ANXA3: variants seen among roughly 807,000 people sequenced by gnomAD.
ANXA3 encodes the protein annexin A3.
ANXA3 carries 46 observed loss-of-function variants against 48.8 expected under a neutral mutation model. The observed-to-expected ratio is 0.94, with a 90% CI of 0.74 to 1.21. ANXA3 has a LOEUF of 1.21. Ranked by LOEUF, ANXA3 falls within the 50% of genes most tolerant of loss-of-function variation. The pLI, the probability that ANXA3 is intolerant of heterozygous loss-of-function variation, is 0.00. For missense variants in ANXA3, 383 were observed against 378.6 expected, an observed-to-expected ratio of 1.01 and a Z score of -0.10; for synonymous variants, 128 against 134.7, an observed-to-expected ratio of 0.95 and a Z score of 0.35.
intron 6 of ANXA3, among the ~76,000 whole-genome samples, chr4:78,589,575 C>T (rs1344688660): frequency 6.6e-6 from 1 of 152,204 alleles, no homozygotes; most frequent in African/African-American, 2.4e-5. Context: ...CAGCAAGTAA[C>T]ATCCCCTCCC....
chr4:78,569,108 T>A (rs1722788607), intron 2 of ANXA3, among the ~76,000 whole-genome samples: 1 of 152,230 alleles, frequency 6.6e-6, no homozygotes, highest in Non-Finnish European at 1.5e-5. Flanking sequence ...AGAGCTCCTG[T>A]TACTTTCCCC....
At chr4:78,593,960 G>C (rs1488067209) in intron 7 of ANXA3, among the ~76,000 whole-genome samples, 3 of 151,920 alleles carry the variant, frequency 2.0e-5, no homozygotes, top group Non-Finnish European at 2.9e-5. Flanking sequence ...CTGTGATATA[G>C]TTCTATGGAT....
chr4:78,584,428 G>A (rs550166015), intron 5 of ANXA3, among the ~76,000 whole-genome samples: 6 of 151,920 alleles, frequency 3.9e-5, no homozygotes, highest in Non-Finnish European at 7.4e-5. Context: ...CTCCTGCCTC[G>A]GCCTCTCAAA....
At chr4:78,571,598 C>T (rs1016621116) in intron 2 of ANXA3, among the ~76,000 whole-genome samples, 1 of 152,052 alleles carries the variant, frequency 6.6e-6, no homozygotes, top group Non-Finnish European at 1.5e-5. Flanking sequence ...CATATTAATA[C>T]AAGACAACAG....
intron 3 of ANXA3, among the ~76,000 whole-genome samples, chr4:78,574,791 T>C (rs976112681): frequency 2.6e-5 from 4 of 152,258 alleles, no homozygotes; most frequent in African/African-American, 9.6e-5. Flanking sequence ...AATTCTTTTA[T>C]ATTGCAATAT....
At position 78,573,254 on chromosome 4, in the gene ANXA3, A is replaced by C; in HGVS notation, c.90A>C (p.Ala30=). 1 of 1,610,480 alleles carries C rather than the reference A, an allele frequency of 6.2e-7. No homozygotes were observed. Among genetic ancestry groups the C allele is most frequent in the African/African-American group, 1.3e-5 (1 of 74,930 alleles). ...PSVDAEAIQK[A]IRGIGTDEKM... ...TGGATGCTGAAGCTATTCAGAAAGC[A>C]ATCAGAGGAATTGGTGAGTGATATT... is the stretch of plus-strand genomic sequence containing the variant. The change falls in exon 3 of 13, where the codon GCA becomes GCC. Residue 30 remains alanine, a synonymous_variant. Transcript: ENST00000264908.
intron 2 of ANXA3, among the ~76,000 whole-genome samples, chr4:78,557,106 T>C (rs1164367536): frequency 6.6e-6 from 1 of 152,176 alleles, no homozygotes; most frequent in Non-Finnish European, 1.5e-5. Flanking sequence ...AGGTTGTTGG[T>C]AGAATTTAGT....
chr4:78,607,300 T>C (rs972365110), intron 12 of ANXA3, among the ~76,000 whole-genome samples: 7 of 152,190 alleles, frequency 4.6e-5, no homozygotes, highest in Admixed American at 1.3e-4. Flanking sequence ...AACAGGATCT[T>C]TTTAGATGGT....
intron 2 of ANXA3, among the ~76,000 whole-genome samples, chr4:78,555,765 C>T (rs905187131): frequency 3.3e-5 from 5 of 150,874 alleles, no homozygotes; most frequent in Admixed American, 6.6e-5. Flanking sequence ...GTGGTAAGAT[C>T]GCTTAAGCCC....
chr4:78,559,167 C>T (rs551110453), intron 2 of ANXA3, among the ~76,000 whole-genome samples: 11 of 152,190 alleles, frequency 7.2e-5, no homozygotes, highest in Middle Eastern at 3.4e-3. Flanking sequence ...GCAGCCTCAA[C>T]CTCCTGGGCT....
rs146494285 is a variant in ANXA3 at position 78,577,030 on chromosome 4, A to T, written c.104-1997A>T. On this transcript the variant is annotated intron_variant, in intron 3 of 12. Coordinates refer to ENST00000264908, the MANE Select transcript of ANXA3 (RefSeq NM_005139.3). ...GCAGGAGAGATCATAATGAGCTGAT[A>T]CATGAGCTAAGGGGCTTAAACTTCA... 1.5e-3 allele frequency among the ~76,000 whole-genome samples: 230 copies of T among 152,340 alleles called. 5 individuals are homozygous for T. In the East Asian group the frequency reaches 0.042, roughly 28 times the overall value.
chr4:78,609,051 C>T (rs7670036), intron 12 of ANXA3, among the ~76,000 whole-genome samples: 4,887 of 151,940 alleles, frequency 0.032, 242 homozygotes, highest in African/African-American at 0.11. Context: ...TATATAAAAA[C>T]GAAGAATATT....
intron 1 of ANXA3, among the ~76,000 whole-genome samples, chr4:78,552,742 C>T (rs1722425783): frequency 6.6e-6 from 1 of 152,162 alleles, no homozygotes; most frequent in South Asian, 2.1e-4. Context: ...CTATGTTCAC[C>T]AACATCATTT....
intron 7 of ANXA3, among the ~76,000 whole-genome samples, 161 bp downstream of exon 7, chr4:78,591,784 T>C (rs1213608519): frequency 6.6e-6 from 1 of 152,226 alleles, no homozygotes; most frequent in Non-Finnish European, 1.5e-5. Flanking sequence ...AGCAATATAA[T>C]GTTTAACCAA....
chr4:78,558,109 C>T (rs1434266342), intron 2 of ANXA3, among the ~76,000 whole-genome samples: 1 of 152,120 alleles, frequency 6.6e-6, no homozygotes, highest in Non-Finnish European at 1.5e-5. Context: ...AGCCTTGAGC[C>T]CAGTATGTTA....
At chr4:78,587,638 G>T (rs539707305) in intron 6 of ANXA3, among the ~76,000 whole-genome samples, 15 of 152,266 alleles carry the variant, frequency 9.9e-5, no homozygotes, top group African/African-American at 2.9e-4. Flanking sequence ...AGTACATATT[G>T]GTCCTCATGT....
chr4:78,577,989 A>C (rs1216768146), intron 3 of ANXA3, among the ~76,000 whole-genome samples: 1 of 151,974 alleles, frequency 6.6e-6, no homozygotes, highest in Non-Finnish European at 1.5e-5. Context: ...TTTGAAATTT[A>C]TGAGAGAGGC....
intron 2 of ANXA3, among the ~76,000 whole-genome samples, chr4:78,563,679 A>G (rs762954123): frequency 3.9e-5 from 6 of 152,134 alleles, no homozygotes; most frequent in Non-Finnish European, 8.8e-5. Flanking sequence ...TAAGACACCC[A>G]GTTTGTGGTA....
intron 2 of ANXA3, among the ~76,000 whole-genome samples, chr4:78,567,134 C>T (rs968565714): frequency 2.6e-5 from 4 of 152,326 alleles, no homozygotes; most frequent in East Asian, 1.9e-4. Context: ...GGCTCTTAGG[C>T]GAGGCCCCCA....
Sources: gnomAD v4.1 joint callset for allele counts (sites outside exome capture counted in the v4.1 genomes callset) on GRCh38, gnomAD v4.1.1 for gene constraint, MANE v1.5 for transcripts, NCBI Gene and HGNC (gene_info 2026-07-23, HGNC 2026-07-21) for gene names.